Variants in CNNM3 observed in about 807,000 individuals in gnomAD.
CNNM3 encodes metal transporter CNNM3.
In CNNM3, 47 loss-of-function variants were observed where a neutral mutation model predicts 57.1. That is an observed-to-expected ratio of 0.82 (90% CI 0.65 to 1.05). CNNM3 has a LOEUF of 1.05. Ranked by LOEUF, CNNM3 falls within the 50% of genes least tolerant of loss-of-function variation. The pLI is 0.00. For missense variants in CNNM3, 957 were observed against 973.7 expected (o/e 0.98, Z 0.23); for synonymous variants, 507 against 478.2 (o/e 1.06, Z -0.79).
intron 1 of CNNM3, chr2:96,824,549 A>G (rs1574106325): frequency 6.2e-6 from 1 of 162,404 alleles, no homozygotes; most frequent in Non-Finnish European, 1.4e-5. Flanking sequence ...GACAGCATAT[A>G]TATTTACTTT....
chr2:96,825,820 G>T (rs2153354925), intron 2 of CNNM3, among the ~76,000 whole-genome samples: 1 of 142,532 alleles, frequency 7.0e-6, no homozygotes, highest in East Asian at 1.9e-4. Context: ...AGAATCGCTT[G>T]AACCTAGGAG....
At position 96,817,110 on chromosome 2, in the gene CNNM3, A is replaced by T; in HGVS notation, c.833A>T (p.Glu278Val). Residue 278 changes from glutamate to valine, a missense_variant, in exon 1 of 8, where the codon GAG becomes GTG. Glu to Val is a moderately radical substitution (Grantham distance 121). Transcript: ENST00000305510. Reference sequence around the variant, plus strand: ...GCGCTGCCCGTGGGGCAGCTGCTGGAGCTGGCGGCGCGGCCCGGGCGGCTG... The same window carrying T: ...GCGCTGCCCGTGGGGCAGCTGCTGGTGCTGGCGGCGCGGCCCGGGCGGCTG... ...PVALPVGQLL[E>V]LAARPGRLRE... 1 of 1,338,490 alleles carries T rather than the reference A, an allele frequency of 7.5e-7. No homozygotes were observed. The highest frequency in any genetic ancestry group is 9.5e-7 in the Non-Finnish European group (1 of 1,055,474). 82.9% of individuals were successfully genotyped at this position (1,338,490 alleles called of 1,614,324 possible).
chr2:96,817,009 C>G lies in CNNM3; in HGVS notation c.732C>G (p.Ser244Arg), dbSNP rs2079331090. The G allele has an allele frequency of 1.5e-6, 2 of 1,372,070 alleles. No individual in the cohort carries two copies. The highest frequency in any genetic ancestry group is 1.9e-6 in the Non-Finnish European group (2 of 1,057,236). The allele number at this position is 1,372,070 out of a possible 1,614,324, so 85.0% of individuals were successfully genotyped here. The change falls in exon 1 of 8, where the codon AGC becomes AGG. Residue 244 changes from serine to arginine, a missense_variant. By Grantham distance (110) the Ser-to-Arg change is moderately radical (BLOSUM62 -1). This residue lies in a region of CNNM3 where 466 missense variants were observed against 403.1 expected (regional missense o/e 1.16). Coordinates refer to ENST00000305510, the MANE Select transcript of CNNM3 (RefSeq NM_017623.5). ...GAGAGGTGGTGCCGGCCGCCGTGAGCGGGCGCTGGACGCTGGCGCTGGCGC... is the reference window on the plus strand; with the variant it reads ...GAGAGGTGGTGCCGGCCGCCGTGAGGGGGCGCTGGACGCTGGCGCTGGCGC... Reference protein sequence around the residue: ...LVGEVVPAAVSGRWTLALAPR... With the variant: ...LVGEVVPAAVRGRWTLALAPR...
downstream of CNNM3, chr2:96,837,034 T>C (rs564878893): frequency 6.6e-6 from 1 of 152,372 alleles, no homozygotes; most frequent in East Asian, 1.9e-4. Context: ...GGCATATTTG[T>C]GTGGTCCTGT....
chr2:96,824,538 GGA>G (rs1362793072), intron 1 of CNNM3: 1 of 158,420 alleles, frequency 6.3e-6, no homozygotes, highest in African/African-American at 2.4e-5. Context: ...TATGTAGGAT[GGA>G]CAGCATATAT....
intron 2 of CNNM3, among the ~76,000 whole-genome samples, chr2:96,826,216 T>C (rs1168615324): frequency 6.8e-6 from 1 of 147,732 alleles, no homozygotes; most frequent in Non-Finnish European, 1.5e-5. Flanking sequence ...TATTTTTTAA[T>C]TTTTTTTTTT....
rs1344508065 is a variant in CNNM3, at chr2:96,828,692, C to A, written c.1912C>A (p.Leu638Ile). Residue 638 changes from leucine (L) to isoleucine (I), a missense_variant, in exon 6 of 8, where the codon CTC (leucine) becomes ATC (isoleucine). Leu to Ile is a conservative substitution (Grantham distance 5, BLOSUM62 2). This residue lies in a region of CNNM3 where 491 missense variants were observed against 570.6 expected (regional missense o/e 0.86). Coordinates refer to ENST00000305510, the MANE Select transcript of CNNM3 (RefSeq NM_017623.5). ...CGTGAGGGCGCTCTCTGATCTGCAG[C>A]TCATCAAGGTGACTGCCTGGGCTGC... ...YTVRALSDLQ[L>I]IKVTRLQYLN... 1 of 1,614,168 alleles carries A rather than the reference C, an allele frequency of 6.2e-7. No individual in the cohort carries two copies. Among genetic ancestry groups the A allele is most frequent in the South Asian group, 1.1e-5 (1 of 91,084 alleles).
intron 1 of CNNM3, among the ~76,000 whole-genome samples, chr2:96,819,071 G>A (rs2079368154): frequency 6.6e-6 from 1 of 152,166 alleles, no homozygotes; most frequent in Non-Finnish European, 1.5e-5. Context: ...TGTTACTGCT[G>A]TAGCTCAGGA....
intron 2 of CNNM3, among the ~76,000 whole-genome samples, 182 bp downstream of exon 2, chr2:96,825,383 G>A (rs2079483853): frequency 2.6e-5 from 4 of 152,170 alleles, no homozygotes. Context: ...GCTCACGCCT[G>A]CACCTCCACA....
Position 96,817,045 on chromosome 2 carries a change from C to T in CNNM3, c.768C>T (p.Leu256=), listed in dbSNP as rs1472253474. Residue 256 remains leucine, a synonymous_variant, in exon 1 of 8, where the codon CTC becomes CTT. Coordinates refer to ENST00000305510, the MANE Select transcript of CNNM3 (RefSeq NM_017623.5). Reference sequence around the variant, plus strand: ...CGCTGGCGCTGGCGCCGCGAGCGCTCGGCCTCAGCCGCCTGGCCGTCCTGC... The same window carrying T: ...CGCTGGCGCTGGCGCCGCGAGCGCTTGGCCTCAGCCGCCTGGCCGTCCTGC... ...RWTLALAPRA[L]GLSRLAVLLT... is the part of the protein sequence containing the mutation. The T allele has an allele frequency of 7.3e-7, 1 of 1,365,350 alleles. No individual in the cohort carries two copies. Among genetic ancestry groups the T allele is most frequent in the Non-Finnish European group, 9.4e-7 (1 of 1,058,412 alleles). 84.6% of individuals were successfully genotyped at this position (1,365,350 alleles called of 1,614,324 possible). A position where few individuals can be genotyped will look rare whatever the true frequency, so the allele number is the denominator to read the frequency against.
Position 96,827,793 on chromosome 2 carries a change from C to G in CNNM3, c.1582C>G (p.Pro528Ala). 15 of 1,614,196 alleles carry G rather than the reference C, an allele frequency of 9.3e-6. No individual in the cohort carries two copies. The highest frequency in any genetic ancestry group is 1.2e-5 in the Non-Finnish European group (14 of 1,180,026). Reference protein sequence around the residue: ...EKVLLHLLKHPSVNQEVRFDE... With the variant: ...EKVLLHLLKHASVNQEVRFDE... ...GGTCCTGCTGCACCTGTTGAAGCAT[C>G]CCAGTGTCAACCAGGAAGTGAGGTT... Residue 528 changes from proline to alanine, a missense_variant, in exon 4 of 8, where the codon CCC becomes GCC. Pro to Ala is a conservative substitution (Grantham distance 27). Coordinates refer to ENST00000305510, the MANE Select transcript of CNNM3 (RefSeq NM_017623.5).
At position 96,825,046 on chromosome 2, in the gene CNNM3, C is replaced by G; in HGVS notation, c.1226-12C>G. 6.2e-7 allele frequency: 1 copy of G among 1,612,120 alleles called. No homozygotes were observed. The highest frequency in any genetic ancestry group is 8.5e-7 in the Non-Finnish European group (1 of 1,179,882). ...CCCAGCAAGCTGTTCCATGAGTGTC[C>G]TCCCCCCACAGGGAAGTCCCACCTG... On this transcript the variant is annotated splice_polypyrimidine_tract_variant and intron_variant, in intron 1 of 7. Coordinates refer to ENST00000305510, the MANE Select transcript of CNNM3 (RefSeq NM_017623.5).
At chr2:96,827,288 G>A (rs2079524627) in intron 3 of CNNM3, among the ~76,000 whole-genome samples, 1 of 146,292 alleles carries the variant, frequency 6.8e-6, no homozygotes, top group Non-Finnish European at 1.5e-5. Context: ...TTTTTTTAAA[G>A]ATAGGGTCTC....
Position 96,832,911 on chromosome 2 carries a change from CT to C in CNNM3, c.*297del. On this transcript the variant is annotated 3_prime_UTR_variant, in exon 8 of 8. Transcript: ENST00000305510. Reference sequence around the variant, plus strand: ...CTAGTTCCCAGGGCCCAGCCTTCCCCTTCTCCCCCGGGGCAGGGACAGTGCG... The same window carrying C: ...CTAGTTCCCAGGGCCCAGCCTTCCCCTCTCCCCCGGGGCAGGGACAGTGCG... The C allele has an allele frequency of 6.9e-7, 1 of 1,449,922 alleles. No individual in the cohort carries two copies. The allele number at this position is 1,449,922 out of a possible 1,614,324, so 89.8% of individuals were successfully genotyped here.
At chr2:96,823,529 G>C (rs1228929099) in intron 1 of CNNM3, among the ~76,000 whole-genome samples, 1 of 152,226 alleles carries the variant, frequency 6.6e-6, no homozygotes, top group African/African-American at 2.4e-5. Flanking sequence ...GCAGGGCTGA[G>C]TGGCAATCTC....
intron 6 of CNNM3, 147 bp downstream of exon 6, chr2:96,828,847 C>A: frequency 6.8e-7 from 1 of 1,475,574 alleles, no homozygotes; most frequent in Non-Finnish European, 9.3e-7. Flanking sequence ...CAAGCAAGGT[C>A]TTAAAAACAC....
At chr2:96,829,324 ACT>A in intron 7 of CNNM3, 190 bp downstream of exon 7, 1 of 637,694 alleles carries the variant, frequency 1.6e-6, no homozygotes, top group Non-Finnish European at 1.9e-6. Context: ...ATGGAGTCTT[ACT>A]CTGTTGCTCT....
rs560855336 is a variant in CNNM3, at chr2:96,816,944, C to G, written c.667C>G (p.Pro223Ala). 4,953 of 1,265,042 alleles carry G rather than the reference C, an allele frequency of 3.9e-3. 68 individuals are homozygous for G. The East Asian group carries it at 0.056, about 14-fold the overall frequency. 78.4% of individuals were successfully genotyped at this position (1,265,042 alleles called of 1,614,324 possible). A position where few individuals can be genotyped will look rare whatever the true frequency, so the allele number is the denominator to read the frequency against. Residue 223 changes from proline (P) to alanine (A), a missense_variant, in exon 1 of 8, where the codon CCC becomes GCC. Pro to Ala is a conservative substitution (Grantham distance 27). This residue lies in a region of CNNM3 where 466 missense variants were observed against 403.1 expected (regional missense o/e 1.16). Transcript: ENST00000305510. ...LYRAAGQRAVPAVLGSAGLVF... is the reference protein window; with the variant it reads ...LYRAAGQRAVAAVLGSAGLVF... ...CCGCGCGGCCGGCCAGCGTGCGGTG[C>G]CCGCCGTGTTGGGCAGCGCGGGGCT...
chr2:96,826,746 G>A, intron 2 of CNNM3, 87 bp from the exon 3 acceptor site: 2 of 1,504,884 alleles, frequency 1.3e-6, no homozygotes, highest in Non-Finnish European at 9.1e-7. Context: ...GCCTCAGGAG[G>A]AAGGAGCAGG....
Sources: allele counts gnomAD v4.1 joint callset (sites outside exome capture counted in the v4.1 genomes callset), GRCh38; gene constraint gnomAD v4.1.1; regional missense constraint gnomAD v4.1.1; transcripts MANE v1.5; gene names NCBI Gene and HGNC (gene_info 2026-07-23, HGNC 2026-07-21).